CNNM2: variants seen among roughly 807,000 people sequenced by gnomAD.
CNNM2 encodes cyclin and CBS domain divalent metal cation transport mediator 2.
CNNM2 carries 12 observed loss-of-function variants against 66.9 expected under a neutral mutation model. That is an observed-to-expected ratio of 0.18 (90% confidence interval 0.11 to 0.29). The LOEUF is 0.29. CNNM2 is among the 10% of genes least tolerant of loss of function. The pLI, the probability that CNNM2 is intolerant of heterozygous loss-of-function variation, is 1.00. For missense variants in CNNM2, 705 were observed against 1,167.7 expected, an observed-to-expected ratio of 0.60 and a Z score of 5.77; for synonymous variants, 557 against 501.8, an observed-to-expected ratio of 1.11 and a Z score of -1.47.
At chr10:102,977,785 T>C (rs1242803161) in intron 1 of CNNM2, among the ~76,000 whole-genome samples, 1 of 152,130 alleles carries the variant, frequency 6.6e-6, no homozygotes, top group African/African-American at 2.4e-5. Flanking sequence ...CGAGACTCTG[T>C]CTACTTTTTT....
In CNNM2 at chr10:103,056,889, G is replaced by A. The variant is rs1279554045; in HGVS notation, c.1998G>A (p.Glu666=). ...PNVIQELKYD[E]KNKKAPEYYL... is the part of the protein sequence containing the mutation. ...TCATCCAGGAACTGAAATATGATGA[G>A]AAGAACAAGAAAGCCCCCGAATACT... The change falls in exon 4 of 8, where the codon GAG becomes GAA. Residue 666 remains glutamate (E), a synonymous_variant. Transcript: ENST00000369878. 2 of 1,613,956 alleles carry A rather than the reference G, an allele frequency of 1.2e-6. No homozygotes were observed. The highest frequency in any genetic ancestry group is 3.3e-5 in the Admixed American group (2 of 60,000).
At chr10:103,004,791 T>C (rs1382657869) in intron 1 of CNNM2, among the ~76,000 whole-genome samples, 1 of 152,238 alleles carries the variant, frequency 6.6e-6, no homozygotes. Context: ...TTCTTCTAGA[T>C]CGTCTCAGCT....
At chr10:103,064,887 T>TG (rs572713140) in intron 4 of CNNM2, among the ~76,000 whole-genome samples, 357 of 152,156 alleles carry the variant, frequency 2.3e-3, no homozygotes, top group African/African-American at 7.5e-3. Context: ...ACCATCTTTA[T>TG]GAAAAAAAAA....
chr10:103,017,795 G>C (rs2064483193), intron 1 of CNNM2, among the ~76,000 whole-genome samples: 1 of 151,884 alleles, frequency 6.6e-6, no homozygotes, highest in Non-Finnish European at 1.5e-5. Context: ...GTGAAACCCT[G>C]TCTCTACTAA....
chr10:103,037,081 G>T (rs2064954549), intron 1 of CNNM2, among the ~76,000 whole-genome samples: 1 of 151,962 alleles, frequency 6.6e-6, no homozygotes. Flanking sequence ...CCTTACAATT[G>T]CATGTGAATA....
intron 1 of CNNM2, among the ~76,000 whole-genome samples, chr10:102,934,301 G>A (rs1407117475): frequency 7.1e-6 from 1 of 141,720 alleles, no homozygotes; most frequent in Non-Finnish European, 1.5e-5. Flanking sequence ...TTGAGACAGA[G>A]CCTTGCTCTG....
chr10:102,981,677 AC>A (rs2063723124), intron 1 of CNNM2, among the ~76,000 whole-genome samples: 1 of 151,678 alleles, frequency 6.6e-6, no homozygotes, highest in Non-Finnish European at 1.5e-5. Context: ...ATAGGGATAC[AC>A]CACCACGCCT....
Position 103,088,633 on chromosome 10 carries a change from T to C in CNNM2, c.*11453T>C. 6.0e-6 allele frequency: 1 copy of C among 167,156 alleles called. No homozygotes were observed. Among genetic ancestry groups the C allele is most frequent in the Non-Finnish European group, 1.3e-5 (1 of 76,598 alleles). 10.4% of individuals were successfully genotyped at this position (167,156 alleles called of 1,614,324 possible). ...AACTCCCGACCTCAGGTGATCCGCC[T>C]GTCTCGGCCTCCCAAAGTGCTGGGA... On this transcript the variant is annotated 3_prime_UTR_variant, in exon 8 of 8. Coordinates refer to ENST00000369878, the MANE Select transcript of CNNM2 (RefSeq NM_017649.5).
In CNNM2 at chr10:103,054,283, A is replaced by T. The variant is rs1440744933; in HGVS notation, c.1766-46A>T. ...TTCATTCAAAAAGAGCCCTCATCTC[A>T]TGGGATGCATTTCTTTTTTTTTCTC... On this transcript the variant is annotated intron_variant, in intron 2 of 7. Transcript: ENST00000369878. The surrounding 1 kb of genome is among the most constrained non-coding windows in gnomAD (Gnocchi z 5.2). The T allele has an allele frequency of 6.3e-7, 1 of 1,597,218 alleles. No homozygotes were observed. The highest frequency in any genetic ancestry group is 1.8e-5 in the Admixed American group (1 of 56,856).
intron 1 of CNNM2, among the ~76,000 whole-genome samples, chr10:103,017,928 C>T (rs1214595377): frequency 7.2e-6 from 1 of 139,438 alleles, no homozygotes; most frequent in Non-Finnish European, 1.5e-5. Flanking sequence ...AGCACCATTG[C>T]TCTCCAGCCT....
chr10:103,040,588 G>A (rs1421216046), intron 1 of CNNM2, among the ~76,000 whole-genome samples: 7 of 152,190 alleles, frequency 4.6e-5, no homozygotes, highest in African/African-American at 1.7e-4. Flanking sequence ...AGGAGTGTTG[G>A]CCGTTGGCTA....
At chr10:103,026,743 CTCAG>C (rs2064715733) in intron 1 of CNNM2, among the ~76,000 whole-genome samples, 1 of 151,890 alleles carries the variant, frequency 6.6e-6, no homozygotes, top group African/African-American at 2.4e-5. Flanking sequence ...TGCTGTGGGC[CTCAG>C]TCAGTGTGTT....
chr10:102,999,328 C>T lies in CNNM2; in HGVS notation c.1622-50379C>T, dbSNP rs190340998. Among the ~76,000 whole-genome samples the T allele has an allele frequency of 1.4e-3, 206 of 150,984 alleles. 1 individual carries two copies. The highest frequency in any genetic ancestry group is 4.5e-3 in the African/African-American group (186 of 41,092). On this transcript the variant is annotated intron_variant, in intron 1 of 7. Transcript: ENST00000369878. ...CGATCTCCTGACCTTGTGATCTGCC[C>T]GCCTCAGCCTCCCAAAGTGCTGTGA...
At chr10:102,946,782 C>T (rs1035722029) in intron 1 of CNNM2, among the ~76,000 whole-genome samples, 1 of 152,076 alleles carries the variant, frequency 6.6e-6, no homozygotes, top group Non-Finnish European at 1.5e-5. Context: ...CTTGAAGCAC[C>T]GTTAAGAAAG....
In CNNM2 at chr10:103,053,572, A is replaced by G. The variant is rs545053871; in HGVS notation, c.1766-757A>G. Among the ~76,000 whole-genome samples the G allele has an allele frequency of 5.3e-5, 8 of 152,346 alleles. No homozygotes were observed. The East Asian group carries it at 1.5e-3, about 29-fold the overall frequency. On this transcript the variant is annotated intron_variant, in intron 2 of 7. Coordinates refer to ENST00000369878, the MANE Select transcript of CNNM2 (RefSeq NM_017649.5). Reference sequence around the variant, plus strand: ...TTACTTTGTGACATGCAAAAATTATATGCAATTCAAATTGCAGTGTTCATA... The same window carrying G: ...TTACTTTGTGACATGCAAAAATTATGTGCAATTCAAATTGCAGTGTTCATA...
At chr10:103,016,508 C>T (rs193239616) in intron 1 of CNNM2, among the ~76,000 whole-genome samples, 233 of 152,208 alleles carry the variant, frequency 1.5e-3, no homozygotes, top group African/African-American at 5.1e-3. Context: ...GGGGAGCAGA[C>T]AAGCCTTACA....
rs1368366887 is a variant in CNNM2, at chr10:103,087,864, T to TAAG, written c.*10685_*10687dup. On this transcript the variant is annotated 3_prime_UTR_variant, in exon 8 of 8. Transcript: ENST00000369878. ...TTGGATGACTTAATCTGAAGCCATA[T>TAAG]AAGTCCAAAGTAGTGAGACAGACAG... 3 of 152,240 alleles carry TAAG rather than the reference T, an allele frequency of 2.0e-5. No individual in the cohort carries two copies. The highest frequency in any genetic ancestry group is 2.9e-5 in the Non-Finnish European group (2 of 68,046). The allele number at this position is 152,240 out of a possible 1,614,324, so 9.4% of individuals were successfully genotyped here.
At chr10:102,932,772 G>A (rs1403000290) in intron 1 of CNNM2, among the ~76,000 whole-genome samples, 1 of 151,942 alleles carries the variant, frequency 6.6e-6, no homozygotes, top group Non-Finnish European at 1.5e-5. Flanking sequence ...ACAAAAATTA[G>A]CCAGCGTGGT....
At chr10:103,014,136 C>T (rs574790924) in intron 1 of CNNM2, among the ~76,000 whole-genome samples, 8 of 152,300 alleles carry the variant, frequency 5.3e-5, no homozygotes, top group African/African-American at 1.7e-4. Context: ...GAAAGTCATA[C>T]CCTGATAGCT....
Sources: allele counts gnomAD v4.1 joint callset (sites outside exome capture counted in the v4.1 genomes callset), GRCh38; gene constraint gnomAD v4.1.1; non-coding constraint Gnocchi (gnomAD v3.1); transcripts MANE v1.5; gene names NCBI Gene and HGNC (gene_info 2026-07-23, HGNC 2026-07-21).